SYTL3: variants seen among roughly 807,000 people sequenced by gnomAD.
The protein encoded by SYTL3 is synaptotagmin-like protein 3.
A neutral mutation model predicts 82.1 loss-of-function variants in SYTL3; 88 were observed. The observed-to-expected ratio is 1.07, with a 90% CI of 0.90 to 1.28. SYTL3 has a LOEUF of 1.28. SYTL3 is among the 50% of genes most tolerant of loss of function. SYTL3 has a pLI of 0.00. For synonymous variants in SYTL3, 311 were observed against 289.4 expected (o/e 1.07, Z -0.76); for missense variants, 831 against 757.6 (o/e 1.10, Z -1.14).
chr6:158,659,724 A>G (rs1244812447), intron 2 of SYTL3, among the ~76,000 whole-genome samples: 1 of 152,214 alleles, frequency 6.6e-6, no homozygotes, highest in African/African-American at 2.4e-5. Context: ...AGCTATAGAC[A>G]GCATCTTGAC....
chr6:158,745,971 A>G (rs1787587889), intron 12 of SYTL3, among the ~76,000 whole-genome samples: 1 of 152,148 alleles, frequency 6.6e-6, no homozygotes, highest in African/African-American at 2.4e-5. Context: ...GCTTATAAAC[A>G]AGACAAATAC....
At chr6:158,731,651 G>T (rs1289999929) in intron 11 of SYTL3, among the ~76,000 whole-genome samples, 4 of 152,092 alleles carry the variant, frequency 2.6e-5, no homozygotes, top group Non-Finnish European at 4.4e-5. Flanking sequence ...TGGAGTGCAG[G>T]GGTGCAATCT....
At position 158,763,388 on chromosome 6, in the gene SYTL3, A is replaced by G. The variant is rs200435492; in HGVS notation, c.1602A>G (p.Ser534=). 4 of 1,614,126 alleles carry G rather than the reference A, an allele frequency of 2.5e-6. No homozygotes were observed. The African/African-American group carries it at 4.0e-5, about 16-fold the overall frequency. The change falls in exon 17 of 18, where the codon TCA becomes TCG. Residue 534 remains serine (S), a synonymous_variant. Coordinates refer to ENST00000611299, the MANE Select transcript of SYTL3 (RefSeq NM_001242394.2). ...AGGCTTGCCCCCAGTGGAAACACTC[A>G]TTTGTCTTCAGTGGCGTAACCCCAG... is the stretch of plus-strand genomic sequence containing the variant. ...RKQACPQWKH[S]FVFSGVTPAQ...
intron 5 of SYTL3, among the ~76,000 whole-genome samples, chr6:158,679,301 T>C (rs1269820761): frequency 1.3e-5 from 2 of 151,786 alleles, no homozygotes; most frequent in Non-Finnish European, 2.9e-5. Context: ...ACCTGGGAGG[T>C]TGAGGCTGCA....
intron 5 of SYTL3, among the ~76,000 whole-genome samples, chr6:158,670,686 G>T (rs1434296614): frequency 2.6e-5 from 4 of 152,128 alleles, no homozygotes; most frequent in Non-Finnish European, 5.9e-5. Context: ...GGGAGGCTGA[G>T]GTACAAGAAT....
rs543005274 is a variant in SYTL3, at chr6:158,757,759, G to C, written c.1308+378G>C. Among the ~76,000 whole-genome samples the C allele has an allele frequency of 1.1e-4, 17 of 152,346 alleles. No homozygotes were observed. In the South Asian group the frequency reaches 3.3e-3, roughly 30 times the overall value. On this transcript the variant is annotated intron_variant, in intron 14 of 17. Transcript: ENST00000611299. ...CTATGCGGTCCCCCAGGGGGCTACA[G>C]TGTGTTGTTTCTAACCTTTCAACCC...
At chr6:158,688,063 A>G (rs1779475928) in intron 6 of SYTL3, among the ~76,000 whole-genome samples, 1 of 152,218 alleles carries the variant, frequency 6.6e-6, no homozygotes, top group African/African-American at 2.4e-5. Flanking sequence ...TGCTTTTACA[A>G]TTCAACTTGG....
intron 6 of SYTL3, among the ~76,000 whole-genome samples, chr6:158,705,457 TA>T (rs1781947372): frequency 8.2e-6 from 1 of 121,262 alleles, no homozygotes; most frequent in Non-Finnish European, 1.7e-5. Flanking sequence ...TAAGGTCACA[TA>T]GGGCAGGAGG....
chr6:158,738,073 T>G (rs1786450739), intron 11 of SYTL3, among the ~76,000 whole-genome samples: 1 of 152,168 alleles, frequency 6.6e-6, no homozygotes, highest in Non-Finnish European at 1.5e-5. Context: ...TGCCCTTTCT[T>G]TCTACCTGCA....
At chr6:158,715,525 G>A (rs1056777208) in intron 9 of SYTL3, among the ~76,000 whole-genome samples, 1 of 151,204 alleles carries the variant, frequency 6.6e-6, no homozygotes, top group East Asian at 1.9e-4. Context: ...GTCCCTGGGC[G>A]AGGTGTGGGG....
intron 14 of SYTL3, 112 bp downstream of exon 14, chr6:158,757,493 TG>T: frequency 8.3e-7 from 1 of 1,200,220 alleles, no homozygotes; most frequent in Non-Finnish European, 1.2e-6. Flanking sequence ...GACCCAAGAC[TG>T]TGTGTTCGCC....
At chr6:158,754,436 C>A (rs1788802658) in intron 13 of SYTL3, among the ~76,000 whole-genome samples, 1 of 152,188 alleles carries the variant, frequency 6.6e-6, no homozygotes, top group African/African-American at 2.4e-5. Flanking sequence ...AAGGTAGATT[C>A]TAGGCTGGGT....
chr6:158,673,734 C>T (rs1466202433), intron 5 of SYTL3, among the ~76,000 whole-genome samples: 8 of 151,202 alleles, frequency 5.3e-5, no homozygotes, highest in South Asian at 4.2e-4. Flanking sequence ...CACCACGCCC[C>T]GCCAGGAACA....
chr6:158,676,008 C>T (rs1777990043), intron 5 of SYTL3, among the ~76,000 whole-genome samples: 1 of 152,082 alleles, frequency 6.6e-6, no homozygotes, highest in Admixed American at 6.6e-5. Context: ...AATTTATATC[C>T]CCATCAAGCT....
Position 158,757,105 on chromosome 6 carries a change from G to A in SYTL3, c.1138-106G>A, listed in dbSNP as rs73797099. 1.4e-3 allele frequency: 1,568 copies of A among 1,121,440 alleles called. 17 individuals carry two copies. In the African/African-American group the frequency reaches 0.021, roughly 15 times the overall value. 69.5% of individuals were successfully genotyped at this position (1,121,440 alleles called of 1,614,324 possible). A position where few individuals can be genotyped will look rare whatever the true frequency, so the allele number is the denominator to read the frequency against. ...CTCAGCCTGTGGGAGGGAGGCCTGC[G>A]CCAGGCCCCGGGAAGTGGGGCCCTG... On this transcript the variant is annotated intron_variant, in intron 13 of 17. Transcript: ENST00000611299.
rs71297001 is a variant in SYTL3, at chr6:158,703,153, T to TAAAA, written c.395-4055_395-4052dup. 8.1e-4 allele frequency among the ~76,000 whole-genome samples: 77 copies of TAAAA among 94,882 alleles called. 1 individual carries two copies. The highest frequency in any genetic ancestry group is 4.1e-3 in the East Asian group (14 of 3,384). 62.2% of individuals were successfully genotyped at this position (94,882 alleles called of 152,430 possible). A position where few individuals can be genotyped will look rare whatever the true frequency, so the allele number is the denominator to read the frequency against. On this transcript the variant is annotated intron_variant, in intron 6 of 17. Transcript: ENST00000611299. ...TGGGCGACAGAGCAAGACTCTGTCT[T>TAAAA]AAAAAAAAAAAAAAAAAAAAAAAAA... is the stretch of plus-strand genomic sequence containing the variant.
intron 2 of SYTL3, among the ~76,000 whole-genome samples, chr6:158,655,009 G>A (rs1788507823): frequency 6.6e-6 from 1 of 152,184 alleles, no homozygotes; most frequent in Admixed American, 6.6e-5. Context: ...AGCAGGTGAG[G>A]ACGGTGCCTG....
intron 4 of SYTL3, among the ~76,000 whole-genome samples, chr6:158,664,163 G>A (rs956380388): frequency 6.6e-6 from 1 of 152,216 alleles, no homozygotes; most frequent in Non-Finnish European, 1.5e-5. Context: ...TGCTTGAGGA[G>A]TGAGGAGAAT....
intron 6 of SYTL3, among the ~76,000 whole-genome samples, chr6:158,699,510 G>A (rs1219810529): frequency 1.3e-5 from 2 of 152,142 alleles, no homozygotes; most frequent in African/African-American, 4.8e-5. Flanking sequence ...CAGCTTCAGG[G>A]GCAGGACTGG....
Sources: gnomAD v4.1 joint callset for allele counts (sites outside exome capture counted in the v4.1 genomes callset) on GRCh38, gnomAD v4.1.1 for gene constraint, MANE v1.5 for transcripts, NCBI Gene and HGNC (gene_info 2026-07-23, HGNC 2026-07-21) for gene names.